The following XCR1 variants were observed in gnomAD, a reference collection of about 807,000 sequenced individuals.
The protein encoded by XCR1 is X-C motif chemokine receptor 1, also known as chemokine XC receptor 1.
For missense variants in XCR1, 356 were observed against 424.2 expected, an observed-to-expected ratio of 0.84 and a Z score of 1.41; for synonymous variants, 187 against 188.5, an observed-to-expected ratio of 0.99 and a Z score of 0.06.
chr3:46,074,731 G>A (rs977185910), intron 2 of XCR1, among the ~76,000 whole-genome samples: 2 of 152,064 alleles, frequency 1.3e-5, no homozygotes, highest in Admixed American at 1.3e-4. Context: ...GGAGGAAGAG[G>A]AAGAGGAGGG....
At chr3:46,072,622 C>T (rs541909994) in intron 3 of XCR1, among the ~76,000 whole-genome samples, 1 of 151,934 alleles carries the variant, frequency 6.6e-6, no homozygotes, top group African/African-American at 2.4e-5. Flanking sequence ...TATAGATGAC[C>T]CAAATAAAAG....
At chr3:46,054,157 A>G (rs1187579816) in intron 4 of XCR1, among the ~76,000 whole-genome samples, 1 of 152,214 alleles carries the variant, frequency 6.6e-6, no homozygotes, top group East Asian at 1.9e-4. Context: ...CCTTGCCTCT[A>G]GTGGACAAGG....
At chr3:46,038,522 C>G (rs907639835) in intron 5 of XCR1, among the ~76,000 whole-genome samples, 1 of 152,022 alleles carries the variant, frequency 6.6e-6, no homozygotes, top group African/African-American at 2.4e-5. Context: ...TTATTTGGTT[C>G]TTTGAATAGA....
intron 1 of XCR1, among the ~76,000 whole-genome samples, chr3:46,084,126 G>A (rs1264767930): frequency 2.6e-5 from 4 of 152,140 alleles, no homozygotes; most frequent in African/African-American, 9.7e-5. Flanking sequence ...ACTCACTTTT[G>A]CCATTCTGTA....
rs1708163971 is a variant in XCR1 at position 46,021,924 on chromosome 3, C to T, written c.24G>A (p.Glu8=). The change falls in exon 2 of 2, where the codon GAG becomes GAA. Residue 8 remains glutamate, a synonymous_variant. Coordinates refer to ENST00000309285, the MANE Select transcript of XCR1 (RefSeq NM_001024644.2). This position sits in a 1 kb window ranked among gnomAD's most constrained non-coding sequence, Gnocchi z 4.7. MESSGNP[E]STTFFYYDLQ... is the part of the protein sequence containing the mutation. ...GGTCATAGTAAAAAAAGGTGGTGCTCTCTGGGTTGCCTGAGGACTCCATCT... is the reference window on the plus strand; with the variant it reads ...GGTCATAGTAAAAAAAGGTGGTGCTTTCTGGGTTGCCTGAGGACTCCATCT... 1 of 1,612,816 alleles carries T rather than the reference C, an allele frequency of 6.2e-7. No individual in the cohort carries two copies. The highest frequency in any genetic ancestry group is 8.5e-7 in the Non-Finnish European group (1 of 1,179,312).
chr3:46,046,720 A>G (rs1244404560), intron 5 of XCR1, among the ~76,000 whole-genome samples: 2 of 152,200 alleles, frequency 1.3e-5, no homozygotes, highest in Admixed American at 6.5e-5. Flanking sequence ...TCCAAGAACT[A>G]CATATAAGAT....
intron 5 of XCR1, among the ~76,000 whole-genome samples, chr3:46,053,433 C>A (rs886686479): frequency 6.6e-6 from 1 of 151,800 alleles, no homozygotes; most frequent in African/African-American, 2.4e-5. Context: ...GATGTTTCTG[C>A]AACTGGAGGG....
At chr3:46,031,898 C>A (rs928914276), upstream of XCR1, among the ~76,000 whole-genome samples, 1 of 152,168 alleles carries the variant, frequency 6.6e-6, no homozygotes, top group African/African-American at 2.4e-5. Flanking sequence ...GCCGCAGAGA[C>A]AATGGGATAA....
At chr3:46,031,487 C>T (rs374886556), upstream of XCR1, among the ~76,000 whole-genome samples, 26 of 152,212 alleles carry the variant, frequency 1.7e-4, no homozygotes, top group African/African-American at 3.9e-4. Flanking sequence ...CTTTGTGCAC[C>T]GATGAGCACA....
Position 46,066,587 on chromosome 3 carries a change from G to T in XCR1, c.-183+312C>A, listed in dbSNP as rs570239524. ...GGGAAGTTGGTGTGGACTACACTAG[G>T]TGAGGCTCCTGGCATATATAGGTTC... On this transcript the variant is annotated intron_variant, in intron 4 of 5. Coordinates refer to the XCR1 transcript ENST00000683768. Among the ~76,000 whole-genome samples, 4 of 152,292 alleles carry T rather than the reference G, an allele frequency of 2.6e-5. No individual in the cohort carries two copies. In the South Asian group the frequency reaches 8.3e-4, roughly 32 times the overall value.
At chr3:46,030,217 G>C (rs1169978736), upstream of XCR1, among the ~76,000 whole-genome samples, 4 of 152,160 alleles carry the variant, frequency 2.6e-5, no homozygotes, top group Non-Finnish European at 5.9e-5. Flanking sequence ...AATAGGAGAG[G>C]ACAATGGACA....
intron 1 of XCR1, among the ~76,000 whole-genome samples, chr3:46,077,591 A>T (rs1368913904): frequency 6.6e-6 from 1 of 152,098 alleles, no homozygotes; most frequent in Non-Finnish European, 1.5e-5. Context: ...TACTCCTCCT[A>T]GGTCTGTGGA....
chr3:46,066,605 A>G (rs1283905465), intron 4 of XCR1, among the ~76,000 whole-genome samples: 1 of 152,152 alleles, frequency 6.6e-6, no homozygotes, highest in East Asian at 1.9e-4. Context: ...CCTGGCATAT[A>G]TAGGTTCCCA....
Position 46,020,989 on chromosome 3 carries a change from T to A in XCR1, c.959A>T (p.His320Leu), listed in dbSNP as rs1040661730. ...LQAPSPASIP[H>L]SPGAFAYEGA... ...CTCATAGGCGAAGGCACCAGGGGAG[T>A]GGGGGATCGAGGCTGGGCTGGGTGC... is the stretch of plus-strand genomic sequence containing the variant. Residue 320 changes from histidine to leucine, a missense_variant, in exon 2 of 2, where the codon CAC becomes CTC. His to Leu is a moderately conservative substitution (Grantham distance 99, BLOSUM62 -3). Coordinates refer to ENST00000309285, the MANE Select transcript of XCR1 (RefSeq NM_001024644.2). 6.2e-7 allele frequency: 1 copy of A among 1,611,996 alleles called. No homozygotes were observed. Among genetic ancestry groups the A allele is most frequent in the African/African-American group, 1.3e-5 (1 of 74,622 alleles).
intron 5 of XCR1, among the ~76,000 whole-genome samples, chr3:46,042,986 T>C (rs1559485478): frequency 6.6e-6 from 1 of 152,016 alleles, no homozygotes; most frequent in Non-Finnish European, 1.5e-5. Flanking sequence ...TTAAGAGAGA[T>C]TTATCCCTGA....
chr3:46,070,279 G>A (rs1010549956), intron 3 of XCR1, among the ~76,000 whole-genome samples: 11 of 152,070 alleles, frequency 7.2e-5, no homozygotes, highest in Non-Finnish European at 1.3e-4. Context: ...GGAATGTTCT[G>A]TAAATGTCTA....
chr3:46,025,357 T>C (rs1708265501), intron 1 of XCR1, among the ~76,000 whole-genome samples: 1 of 151,988 alleles, frequency 6.6e-6, no homozygotes, highest in African/African-American at 2.4e-5. Context: ...TGAGCTATAA[T>C]GGCGCCACTG....
intron 1 of XCR1, among the ~76,000 whole-genome samples, chr3:46,084,237 G>A (rs1403934466): frequency 6.6e-6 from 1 of 152,182 alleles, no homozygotes; most frequent in Non-Finnish European, 1.5e-5. Flanking sequence ...AGCCTTCCTG[G>A]TGACAAGGGA....
intron 4 of XCR1, among the ~76,000 whole-genome samples, chr3:46,056,175 G>A (rs1039096612): frequency 1.2e-4 from 18 of 152,158 alleles, no homozygotes; most frequent in African/African-American, 4.3e-4. Context: ...TTGTTATATA[G>A]GGGTCAGACT....
Sources: allele counts gnomAD v4.1 joint callset (sites outside exome capture counted in the v4.1 genomes callset), GRCh38; gene constraint gnomAD v4.1.1; non-coding constraint Gnocchi (gnomAD v3.1); transcripts MANE v1.5; gene names NCBI Gene and HGNC (gene_info 2026-07-23, HGNC 2026-07-21).